Variants in ANKFN1 observed in about 807,000 individuals in gnomAD.
ANKFN1 encodes the protein ankyrin repeat and fibronectin type III domain containing 1, also known as ankyrin repeat and fibronectin type-III domain-containing protein 1.
A neutral mutation model predicts 108.7 loss-of-function variants in ANKFN1; 74 were observed. That is an observed-to-expected ratio of 0.68 (90% CI 0.56 to 0.83). ANKFN1 has a LOEUF of 0.83. ANKFN1 is among the 40% of genes least tolerant of loss of function. The pLI, the probability that ANKFN1 is intolerant of heterozygous loss-of-function variation, is 0.00. For synonymous variants in ANKFN1, 547 were observed against 516.2 expected (o/e 1.06, Z -0.81); for missense variants, 1,505 against 1,382.3 (o/e 1.09, Z -1.41).
At chr17:56,123,775 G>A (rs1243845989) in intron 4 of ANKFN1, among the ~76,000 whole-genome samples, 1 of 151,790 alleles carries the variant, frequency 6.6e-6, no homozygotes, top group African/African-American at 2.4e-5. Context: ...TTATGTGTGT[G>A]AGCCTGTGTG....
intron 3 of ANKFN1, among the ~76,000 whole-genome samples, chr17:56,272,148 A>G (rs1168744523): frequency 1.3e-5 from 2 of 152,228 alleles, no homozygotes; most frequent in Admixed American, 6.5e-5. Context: ...TTATTACGGT[A>G]TAATACCTTT....
intron 4 of ANKFN1, among the ~76,000 whole-genome samples, chr17:56,350,204 A>G (rs574060076): frequency 5.9e-5 from 9 of 152,238 alleles, no homozygotes; most frequent in African/African-American, 1.2e-4. Context: ...ATTTATGCAT[A>G]CTGGGATAGT....
At chr17:56,409,115 G>A (rs960651484) in intron 8 of ANKFN1, among the ~76,000 whole-genome samples, 1 of 151,902 alleles carries the variant, frequency 6.6e-6, no homozygotes, top group Non-Finnish European at 1.5e-5. Context: ...AGTAAAGACG[G>A]GGTTTCACCA....
chr17:56,091,508 A>C (rs1905420194), intron 4 of ANKFN1, among the ~76,000 whole-genome samples: 1 of 150,168 alleles, frequency 6.7e-6, no homozygotes. Context: ...TTGACATAGG[A>C]ATAGAAACAG....
At chr17:56,308,001 ACC>A (rs2044885098) in intron 3 of ANKFN1, among the ~76,000 whole-genome samples, 1 of 152,052 alleles carries the variant, frequency 6.6e-6, no homozygotes, top group South Asian at 2.1e-4. Flanking sequence ...CATGAAGAGA[ACC>A]GCATGTTCTC....
intron 3 of ANKFN1, among the ~76,000 whole-genome samples, chr17:56,293,220 A>G (rs1371884641): frequency 6.6e-6 from 1 of 152,204 alleles, no homozygotes; most frequent in Non-Finnish European, 1.5e-5. Context: ...TCATTTGCTT[A>G]TTCATTTGAC....
intron 4 of ANKFN1, among the ~76,000 whole-genome samples, chr17:56,142,433 A>C (rs1907982969): frequency 6.6e-6 from 1 of 152,214 alleles, no homozygotes; most frequent in Non-Finnish European, 1.5e-5. Flanking sequence ...GCCCAACAAA[A>C]GGTTCTTTTG....
intron 18 of ANKFN1, among the ~76,000 whole-genome samples, chr17:56,488,607 G>T (rs748996195): frequency 7.9e-5 from 12 of 152,208 alleles, no homozygotes; most frequent in Non-Finnish European, 1.6e-4. Context: ...CATTTTACAT[G>T]ATTTAAGAGA....
At chr17:56,499,279 G>T (rs147262715) in intron 20 of ANKFN1, among the ~76,000 whole-genome samples, 181 bp downstream of exon 20, 1 of 152,266 alleles carries the variant, frequency 6.6e-6, no homozygotes, top group East Asian at 1.9e-4. Context: ...AGGAAAACTA[G>T]AGCAGTAACC....
At chr17:56,320,358 C>A (rs1429905145) in intron 3 of ANKFN1, among the ~76,000 whole-genome samples, 1 of 152,076 alleles carries the variant, frequency 6.6e-6, no homozygotes, top group Non-Finnish European at 1.5e-5. Context: ...AATATTATAA[C>A]CTGAAGTGTG....
At chr17:56,501,255 G>T (rs550872372) in intron 20 of ANKFN1, among the ~76,000 whole-genome samples, 1 of 152,304 alleles carries the variant, frequency 6.6e-6, no homozygotes, top group East Asian at 1.9e-4. Flanking sequence ...GGTTCTGCTG[G>T]TCATAGTAAA....
At chr17:56,254,476 C>T (rs1413918196) in intron 3 of ANKFN1, among the ~76,000 whole-genome samples, 4 of 152,178 alleles carry the variant, frequency 2.6e-5, no homozygotes, top group Non-Finnish European at 5.9e-5. Flanking sequence ...GACTGTGCTT[C>T]CTTTCCATAG....
At chr17:56,386,704 A>G (rs183500192) in intron 8 of ANKFN1, among the ~76,000 whole-genome samples, 1 of 150,032 alleles carries the variant, frequency 6.7e-6, no homozygotes, top group Non-Finnish European at 1.5e-5. Context: ...TTCCTACTAT[A>G]CTGTGAATAG....
At chr17:56,401,613 A>C (rs1301977419) in intron 8 of ANKFN1, among the ~76,000 whole-genome samples, 1 of 152,062 alleles carries the variant, frequency 6.6e-6, no homozygotes, top group Non-Finnish European at 1.5e-5. Flanking sequence ...CAAGGTAAAC[A>C]ATCGTATTTT....
At chr17:56,129,946 A>G (rs1466434740) in intron 4 of ANKFN1, among the ~76,000 whole-genome samples, 1 of 152,244 alleles carries the variant, frequency 6.6e-6, no homozygotes, top group Non-Finnish European at 1.5e-5. Flanking sequence ...TAATTATCAC[A>G]TATAGCTTAC....
chr17:56,062,559 C>CTTTT (rs3085080), intron 4 of ANKFN1, among the ~76,000 whole-genome samples: 28 of 134,520 alleles, frequency 2.1e-4, no homozygotes, highest in African/African-American at 6.2e-4. Flanking sequence ...GTAATCTCTG[C>CTTTT]TTTTTTTTTT....
chr17:56,339,369 T>C (rs2045901588), intron 4 of ANKFN1, among the ~76,000 whole-genome samples: 1 of 152,120 alleles, frequency 6.6e-6, no homozygotes, highest in Admixed American at 6.6e-5. Flanking sequence ...GGTAAACTTG[T>C]GTCATGGGGT....
chr17:56,090,595 C>G lies in ANKFN1; in HGVS notation c.288+44270C>G, dbSNP rs539533457. Among the ~76,000 whole-genome samples the G allele has an allele frequency of 5.3e-5, 8 of 151,282 alleles. No individual in the cohort carries two copies. In the South Asian group the frequency reaches 6.3e-4, roughly 12 times the overall value. ...TAATACAAAATTGTATCTGGCTCAT[C>G]ATAACATTGTAAAGTGTTGCTTATT... is the stretch of plus-strand genomic sequence containing the variant. On this transcript the variant is annotated intron_variant, in intron 4 of 12. Transcript: ENST00000635860.
intron 1 of ANKFN1, among the ~76,000 whole-genome samples, chr17:56,165,989 G>T (rs1452958235): frequency 6.6e-6 from 1 of 152,010 alleles, no homozygotes; most frequent in East Asian, 1.9e-4. Flanking sequence ...ATTTCAGTCT[G>T]CCTACCATAC....
Sources: allele counts gnomAD v4.1 joint callset (sites outside exome capture counted in the v4.1 genomes callset), GRCh38; gene constraint gnomAD v4.1.1; transcripts MANE v1.5; gene names NCBI Gene and HGNC (gene_info 2026-07-23, HGNC 2026-07-21).